Variants in MYO1G observed in about 807,000 individuals in gnomAD.
MYO1G encodes myosin IG.
A neutral mutation model predicts 115.3 loss-of-function variants in MYO1G; 65 were observed. The observed-to-expected ratio is 0.56, with a 90% confidence interval of 0.46 to 0.69. MYO1G has a LOEUF of 0.69. Among genes scored for constraint, MYO1G ranks in the 30% least tolerant of loss-of-function variants. The pLI is 0.00. For missense variants in MYO1G, 1,204 were observed against 1,393.5 expected (o/e 0.86, Z 2.16); for synonymous variants, 510 against 552.6 (o/e 0.92, Z 1.08).
intron 14 of MYO1G, 55 bp downstream of exon 14, chr7:44,967,550 A>G: frequency 6.2e-7 from 1 of 1,608,656 alleles, no homozygotes. Flanking sequence ...CTTGGCACCG[A>G]GGGCACAGAG....
Position 44,976,549 on chromosome 7 carries a change from C to T in MYO1G, c.398+15G>A. On this transcript the variant is annotated intron_variant, in intron 3 of 21. Transcript: ENST00000258787. ...CCTGCCATGCTGAGGCCCAGAGCTG[C>T]CCATTGCCACTCACCTCTCCACCTC... 1 of 1,612,366 alleles carries T rather than the reference C, an allele frequency of 6.2e-7. No homozygotes were observed. Among genetic ancestry groups the T allele is most frequent in the Non-Finnish European group, 8.5e-7 (1 of 1,178,432 alleles).
chr7:44,970,688 ACACT>A lies in MYO1G; in HGVS notation c.1117_1120del (p.Val374TrpfsTer54). The A allele has an allele frequency of 6.2e-7, 1 of 1,613,926 alleles. No individual in the cohort carries two copies. ...AGGATCCCGGCCCCGGGGTTCCATG[ACACT>A]GTTGATCCTGTTCACCACCCACTCA... On this transcript the variant is annotated frameshift_variant, in exon 9 of 22. Coordinates refer to ENST00000258787, the MANE Select transcript of MYO1G (RefSeq NM_033054.3). LOFTEE classifies it high-confidence loss of function.
Position 44,969,864 on chromosome 7 carries a change from GAA to G in MYO1G, c.1342_1343del (p.Phe448GlnfsTer32), listed in dbSNP as rs1177221307. ...CCAGATCCACAATGGTGGCGTTGTT[GAA>G]ATACTCAACCTGGGGCAAAGGCAGC... ...EGITWQSVEY[F>X]NNATIVDLVE... is the part of the protein sequence containing the mutation. On this transcript the variant is annotated frameshift_variant, in exon 11 of 22. Transcript: ENST00000258787. LOFTEE classifies it high-confidence loss of function. This position sits in a 1 kb window ranked among gnomAD's most constrained non-coding sequence, Gnocchi z 5.0. 1 of 1,607,890 alleles carries G rather than the reference GAA, an allele frequency of 6.2e-7. No individual in the cohort carries two copies. The highest frequency in any genetic ancestry group is 8.5e-7 in the Non-Finnish European group (1 of 1,176,680).
Position 44,964,064 on chromosome 7 carries a change from G to T in MYO1G, c.2730C>A (p.Ala910=), listed in dbSNP as rs746227035. The T allele has an allele frequency of 1.9e-6, 3 of 1,596,214 alleles. No homozygotes were observed. The highest frequency in any genetic ancestry group is 1.7e-6 in the Non-Finnish European group (2 of 1,171,518). ...CATTGCTCACCGCCTCAAGGGGCAC[G>T]GCCCGCATCACCCGGTACTGCCGGT... The part of the protein sequence containing the change: ...DPDRQYRVMR[A]VPLEAVTGLS... Residue 910 remains alanine, a synonymous_variant, in exon 20 of 22, where the codon GCC becomes GCA. Coordinates refer to ENST00000258787, the MANE Select transcript of MYO1G (RefSeq NM_033054.3). The surrounding 1 kb of genome is among the most constrained non-coding windows in gnomAD (Gnocchi z 5.1).
In MYO1G at chr7:44,962,787, A is replaced by G; in HGVS notation, c.3009T>C (p.Asp1003=). 1 of 1,507,076 alleles carries G rather than the reference A, an allele frequency of 6.6e-7. No individual in the cohort carries two copies. The highest frequency in any genetic ancestry group is 8.8e-7 in the Non-Finnish European group (1 of 1,135,080). 93.4% of individuals were successfully genotyped at this position (1,507,076 alleles called of 1,614,324 possible). A position where few individuals can be genotyped will look rare whatever the true frequency, so the allele number is the denominator to read the frequency against. The change falls in exon 22 of 22, where the codon GAT becomes GAC. Residue 1003 remains aspartate, a synonymous_variant. Transcript: ENST00000258787. This position sits in a 1 kb window ranked among gnomAD's most constrained non-coding sequence, Gnocchi z 5.3. The part of the protein sequence containing the change: ...VEPRPEQPEP[D]FRCARGSFTL... ...TGAAGGAGCCGCGAGCGCAGCGGAA[A>G]TCGGGCTCTGGCTGCTCCGGCCTGG...
At chr7:44,972,041 T>C in intron 6 of MYO1G, 74 bp downstream of exon 6, 1 of 1,201,316 alleles carries the variant, frequency 8.3e-7, no homozygotes, top group East Asian at 2.3e-5. Context: ...TGCTGAGTGC[T>C]GCCCATTCCC....
At chr7:44,971,890 G>A (rs574401066) in intron 6 of MYO1G, 101 bp from the exon 7 acceptor site, 4 of 863,878 alleles carry the variant, frequency 4.6e-6, no homozygotes, top group East Asian at 2.7e-5. Context: ...GCTCACCCCT[G>A]TCCCCTGTCC....
chr7:44,968,208 T>C (rs116130843), intron 12 of MYO1G, among the ~76,000 whole-genome samples: 189 of 152,356 alleles, frequency 1.2e-3, no homozygotes, highest in African/African-American at 4.3e-3. Context: ...CCCCCAGCTC[T>C]GAAGCCAAAT....
chr7:44,967,826 A>C (rs1794875100), intron 13 of MYO1G, 58 bp downstream of exon 13: 1 of 1,612,306 alleles, frequency 6.2e-7, no homozygotes. Context: ...CTGACCCCAG[A>C]GTCTCTGGGG....
At chr7:44,975,727 C>T in intron 3 of MYO1G, 78 bp from the exon 4 acceptor site, 1 of 1,407,548 alleles carries the variant, frequency 7.1e-7, no homozygotes, top group Non-Finnish European at 9.4e-7. Context: ...TGAGTCTTCC[C>T]AACAGAAATC....
Position 44,966,162 on chromosome 7 carries a change from T to G in MYO1G, c.2068A>C (p.Lys690Gln). ...LQGDVAFGHS[K>Q]LFIRSPRTLV... The stretch of plus-strand genomic sequence containing the variant: ...GTCCGGGGTGAGCGGATGAACAGCT[T>G]GCTGTGGCCAAAGGCCACGTCCCCC... Residue 690 changes from lysine to glutamine, a missense_variant, in exon 16 of 22, where the codon AAG (lysine) becomes CAG (glutamine). By Grantham distance (53) the Lys-to-Gln change is moderately conservative. Coordinates refer to ENST00000258787, the MANE Select transcript of MYO1G (RefSeq NM_033054.3). The surrounding 1 kb of genome is among the most constrained non-coding windows in gnomAD (Gnocchi z 5.0). 6.2e-7 allele frequency: 1 copy of G among 1,613,018 alleles called. No individual in the cohort carries two copies.
Position 44,975,639 on chromosome 7 carries a change from C to T in MYO1G, c.409G>A (p.Val137Met), listed in dbSNP as rs201682799. ...QRAEVERVKD[V>M]LLKSTCVLEA... is the part of the protein sequence containing the mutation. ...AGCACACAGGTGGACTTGAGCAGCA[C>T]GTCCTTGACCCTGTCAGGGCAGAGG... is the stretch of plus-strand genomic sequence containing the variant. The change falls in exon 4 of 22, where the codon GTG becomes ATG. Residue 137 changes from valine to methionine, a missense_variant. By Grantham distance (21) the Val-to-Met change is conservative. Coordinates refer to ENST00000258787, the MANE Select transcript of MYO1G (RefSeq NM_033054.3). 3.4e-5 allele frequency: 55 copies of T among 1,608,402 alleles called. No individual in the cohort carries two copies. The East Asian group carries it at 8.0e-4, about 24-fold the overall frequency.
chr7:44,970,520 C>A, intron 9 of MYO1G, 72 bp downstream of exon 9: 1 of 1,585,688 alleles, frequency 6.3e-7, no homozygotes, highest in Non-Finnish European at 8.6e-7. Flanking sequence ...CAGCCCCAGC[C>A]GAGCTTTCCA....
chr7:44,973,271 C>T (rs928589963), intron 5 of MYO1G: 4 of 151,472 alleles, frequency 2.6e-5, no homozygotes, highest in Admixed American at 2.0e-4. Context: ...TCAGCGGGAG[C>T]TCAGAATCCG....
chr7:44,970,306 C>T lies in MYO1G; in HGVS notation c.1218-152G>A, dbSNP rs1263913595. ...CTTCCCTGTGGCTTATGCATCCCTGCCCTGGACTCCTTTACCCCACCCACA... is the reference window on the plus strand; with the variant it reads ...CTTCCCTGTGGCTTATGCATCCCTGTCCTGGACTCCTTTACCCCACCCACA... On this transcript the variant is annotated intron_variant, in intron 9 of 21. Coordinates refer to ENST00000258787, the MANE Select transcript of MYO1G (RefSeq NM_033054.3). 4.3e-6 allele frequency: 3 copies of T among 705,544 alleles called. No individual in the cohort carries two copies. The South Asian group carries it at 5.3e-5, about 12-fold the overall frequency. 43.7% of individuals were successfully genotyped at this position (705,544 alleles called of 1,614,324 possible).
At chr7:44,971,416 G>A (rs1794955948) in intron 7 of MYO1G, among the ~76,000 whole-genome samples, 1 of 152,242 alleles carries the variant, frequency 6.6e-6, no homozygotes, top group Admixed American at 6.5e-5. Context: ...AAGCCACACA[G>A]CTCATGACTG....
In MYO1G at chr7:44,966,263, T is replaced by C. The variant is rs748847640; in HGVS notation, c.1967A>G (p.Glu656Gly). 2 of 1,608,572 alleles carry C rather than the reference T, an allele frequency of 1.2e-6. No individual in the cohort carries two copies. Among genetic ancestry groups the C allele is most frequent in the Admixed American group, 3.4e-5 (2 of 59,552 alleles). Reference sequence around the variant, plus strand: ...CAGCAGGTGGTTGGGCCATGTGTATTCACAGGTCATCTTGTACCTGTCACC... The same window carrying C: ...CAGCAGGTGGTTGGGCCATGTGTATCCACAGGTCATCTTGTACCTGTCACC... ...RFLLRYKMTC[E>G]YTWPNHLLGS... Residue 656 changes from glutamate to glycine, a missense_variant, in exon 16 of 22, where the codon GAA becomes GGA. Coordinates refer to ENST00000258787, the MANE Select transcript of MYO1G (RefSeq NM_033054.3). This position sits in a 1 kb window ranked among gnomAD's most constrained non-coding sequence, Gnocchi z 5.0.
chr7:44,964,371 G>GA lies in MYO1G; in HGVS notation c.2631+43dup. The GA allele has an allele frequency of 6.4e-7, 1 of 1,570,154 alleles. No homozygotes were observed. Among genetic ancestry groups the GA allele is most frequent in the Non-Finnish European group, 8.8e-7 (1 of 1,140,758 alleles). ...GCTTCTAACCTTGCAGACGTGGCTA[G>GA]AAAAAGAGCACAGCCCTGAAGCCAT... is the stretch of plus-strand genomic sequence containing the variant. On this transcript the variant is annotated intron_variant, in intron 19 of 21. Transcript: ENST00000258787. The surrounding 1 kb of genome is among the most constrained non-coding windows in gnomAD (Gnocchi z 5.1).
Position 44,967,965 on chromosome 7 carries a change from G to A in MYO1G, c.1575-7C>T, listed in dbSNP as rs1794878384. 2 of 1,613,582 alleles carry A rather than the reference G, an allele frequency of 1.2e-6. No individual in the cohort carries two copies. The highest frequency in any genetic ancestry group is 1.7e-6 in the Non-Finnish European group (2 of 1,179,922). ...GAAGCCTTCCACGGAGTACCTACCA[G>A]AAGCCAGGGCTGGTGAGGGAGCAGG... On this transcript the variant is annotated splice_region_variant and splice_polypyrimidine_tract_variant and intron_variant, in intron 12 of 21. Transcript: ENST00000258787.
Sources: gnomAD v4.1 joint callset for allele counts (sites outside exome capture counted in the v4.1 genomes callset) on GRCh38, gnomAD v4.1.1 for gene constraint, Gnocchi (gnomAD v3.1) non-coding constraint, MANE v1.5 for transcripts, NCBI Gene and HGNC (gene_info 2026-07-23, HGNC 2026-07-21) for gene names.